The following LRRC18 variants were observed in gnomAD, a reference collection of about 807,000 sequenced individuals.
LRRC18 encodes leucine-rich repeat-containing protein 18.
A neutral mutation model predicts 11.2 loss-of-function variants in LRRC18; 12 were observed. That is an observed-to-expected ratio of 1.07 (90% CI 0.69 to 1.74). The LOEUF is 1.74. Ranked by LOEUF, LRRC18 falls within the 40% of genes most tolerant of loss-of-function variation. The probability of loss-of-function intolerance (pLI) is 0.00; values close to 1 mark genes in which losing one functional copy is unlikely to be tolerated. For missense variants in LRRC18, 374 were observed against 330.5 expected, an observed-to-expected ratio of 1.13 and a Z score of -1.02; for synonymous variants, 155 against 130.6, an observed-to-expected ratio of 1.19 and a Z score of -1.27.
At chr10:48,912,758 G>C (rs1178558131) in intron 1 of LRRC18, among the ~76,000 whole-genome samples, 1 of 152,260 alleles carries the variant, frequency 6.6e-6, no homozygotes, top group Non-Finnish European at 1.5e-5. Flanking sequence ...TTCACAGCCA[G>C]TCAGAGGTCT....
the LRRC18 span, among the ~76,000 whole-genome samples, chr10:48,920,628 C>T: frequency 6.6e-6 from 1 of 152,248 alleles, no homozygotes; most frequent in Admixed American, 6.5e-5. Context: ...CACACTTTCA[C>T]TATGTCTGTT....
At chr10:48,915,622 T>C (rs1838449841), upstream of LRRC18, among the ~76,000 whole-genome samples, 1 of 152,138 alleles carries the variant, frequency 6.6e-6, no homozygotes, top group African/African-American at 2.4e-5. Context: ...AATATAGTTG[T>C]ATGTTTTCCT....
the LRRC18 span, among the ~76,000 whole-genome samples, chr10:48,939,583 GATA>G: frequency 3.9e-5 from 6 of 152,174 alleles, no homozygotes; most frequent in Admixed American, 1.3e-4. Flanking sequence ...AAACTTACAT[GATA>G]ATGATGGATG....
upstream of LRRC18, among the ~76,000 whole-genome samples, chr10:48,915,837 C>T (rs1406188911): frequency 6.6e-6 from 1 of 152,156 alleles, no homozygotes; most frequent in Non-Finnish European, 1.5e-5. Context: ...TTACACAGGC[C>T]TTGTAAGCTG....
the LRRC18 span, among the ~76,000 whole-genome samples, chr10:48,929,323 G>A: frequency 1.3e-5 from 2 of 152,198 alleles, no homozygotes; most frequent in African/African-American, 4.8e-5. Context: ...ACCCAGCCCT[G>A]AGGCTGGTAC....
chr10:48,918,626 G>C (rs1377919232), upstream of LRRC18, among the ~76,000 whole-genome samples: 1 of 152,132 alleles, frequency 6.6e-6, no homozygotes, highest in Non-Finnish European at 1.5e-5. Context: ...ATTAGAATTG[G>C]AGACATCAAT....
the LRRC18 span, among the ~76,000 whole-genome samples, chr10:48,935,603 T>C: frequency 6.6e-6 from 1 of 152,234 alleles, no homozygotes; most frequent in African/African-American, 2.4e-5. Flanking sequence ...TGCTCTTTGG[T>C]TTTTGAGAGG....
chr10:48,929,692 C>A, the LRRC18 span, among the ~76,000 whole-genome samples: 1 of 152,220 alleles, frequency 6.6e-6, no homozygotes, highest in Non-Finnish European at 1.5e-5. Context: ...CTCACTTAGC[C>A]TACTGCCTAC....
chr10:48,933,083 G>GAGGGGAGTC, the LRRC18 span, among the ~76,000 whole-genome samples: 1 of 152,162 alleles, frequency 6.6e-6, no homozygotes, highest in Non-Finnish European at 1.5e-5. Context: ...GGCAGGAGAA[G>GAGGGGAGTC]AGGGGAGTCT....
upstream of LRRC18, chr10:48,914,258 G>T (rs762752325): frequency 4.6e-6 from 6 of 1,290,726 alleles, no homozygotes; most frequent in Non-Finnish European, 6.3e-6. Context: ...AAAACATCTG[G>T]TTAGGAGATG....
upstream of LRRC18, among the ~76,000 whole-genome samples, chr10:48,916,455 A>C (rs902257602): frequency 1.3e-5 from 2 of 152,194 alleles, no homozygotes; most frequent in South Asian, 2.1e-4. Flanking sequence ...CCAGGCAGGC[A>C]TCTAGAAGCT....
the LRRC18 span, among the ~76,000 whole-genome samples, chr10:48,921,335 A>G: frequency 6.6e-6 from 1 of 152,164 alleles, no homozygotes; most frequent in South Asian, 2.1e-4. Flanking sequence ...TGGTCAATTG[A>G]TTTTTGAAAA....
the LRRC18 span, among the ~76,000 whole-genome samples, chr10:48,937,985 C>T: frequency 2.0e-5 from 3 of 152,340 alleles, no homozygotes; most frequent in Non-Finnish European, 4.4e-5. Context: ...CAGGAAGCCT[C>T]GCCTGGCAAT....
chr10:48,913,492 T>G, exon 1 of LRRC18: 7 of 1,613,900 alleles, frequency 4.3e-6, no homozygotes, highest in Non-Finnish European at 5.9e-6. Context: ...TTGATTCTAT[T>G]CAGGTTGTCC....
At chr10:48,912,920 A>G (rs1304613420) in intron 1 of LRRC18, among the ~76,000 whole-genome samples, 1 of 152,204 alleles carries the variant, frequency 6.6e-6, no homozygotes, top group Non-Finnish European at 1.5e-5. Context: ...CCTACCCAAC[A>G]CCAAGTGCTC....
chr10:48,910,372 C>A, intron 1 of LRRC18, 114 bp from the exon 4 acceptor site: 2 of 900,468 alleles, frequency 2.2e-6, no homozygotes, highest in South Asian at 2.6e-5. Context: ...TCAGGATGGT[C>A]AGGTTAGTGT....
At chr10:48,910,719 G>A (rs1346064206) in intron 1 of LRRC18, among the ~76,000 whole-genome samples, 1 of 152,174 alleles carries the variant, frequency 6.6e-6, no homozygotes, top group African/African-American at 2.4e-5. Flanking sequence ...TTCCTGAGAT[G>A]TGTGATAAGA....
the LRRC18 span, among the ~76,000 whole-genome samples, chr10:48,920,592 T>A: frequency 2.0e-4 from 30 of 152,208 alleles, no homozygotes; most frequent in Non-Finnish European, 7.3e-5. Flanking sequence ...GGTTCTTCTC[T>A]GAAGTTTGGG....
At chr10:48,923,018 G>A in the LRRC18 span, among the ~76,000 whole-genome samples, 1 of 152,144 alleles carries the variant, frequency 6.6e-6, no homozygotes, top group Non-Finnish European at 1.5e-5. Context: ...GCCCAAAAAG[G>A]CAATTTTACT....
Sources: allele counts gnomAD v4.1 joint callset (sites outside exome capture counted in the v4.1 genomes callset), GRCh38; gene constraint gnomAD v4.1.1; transcripts MANE v1.5; gene names NCBI Gene and HGNC (gene_info 2026-07-23, HGNC 2026-07-21).